GPR146: variants seen among roughly 807,000 people sequenced by gnomAD.
GPR146 encodes the protein G-protein coupled receptor 146.
For synonymous variants in GPR146, 203 were observed against 104.3 expected, an observed-to-expected ratio of 1.95 and a Z score of -5.77; for missense variants, 381 against 213.9, an observed-to-expected ratio of 1.78 and a Z score of -4.87.
At chr7:1,053,763 G>C (rs546192559) in intron 1 of GPR146, among the ~76,000 whole-genome samples, 3 of 152,272 alleles carry the variant, frequency 2.0e-5, no homozygotes, top group African/African-American at 7.2e-5. Flanking sequence ...GGAGGCGGAG[G>C]TTGCAGTGAG....
In GPR146 at chr7:1,057,620, G is replaced by A. The variant is rs751651921; in HGVS notation, c.105G>A (p.Val35=). 5.2e-6 allele frequency: 4 copies of A among 769,760 alleles called. No homozygotes were observed. Among genetic ancestry groups the A allele is most frequent in the Non-Finnish European group, 9.6e-6 (4 of 415,472 alleles). 47.7% of individuals were successfully genotyped at this position (769,760 alleles called of 1,614,324 possible). Residue 35 remains valine (V), a synonymous_variant, in exon 2 of 2, where the codon GTG becomes GTA. Transcript: ENST00000444847. ...GLSLLSLLGL[V]VGVPVGLCYN... is the part of the protein sequence containing the mutation. ...CACTGTTGTCGCTGCTGGGCCTGGTGGTGGGCGTGCCAGTGGGCCTGTGCT... is the reference window on the plus strand; with the variant it reads ...CACTGTTGTCGCTGCTGGGCCTGGTAGTGGGCGTGCCAGTGGGCCTGTGCT...
intron 1 of GPR146, among the ~76,000 whole-genome samples, chr7:1,048,702 C>G: frequency 6.6e-6 from 1 of 152,214 alleles, no homozygotes; most frequent in East Asian, 1.9e-4. Context: ...GCCAACGTCT[C>G]ACTTGAAATG....
chr7:1,047,925 C>T (rs945976282), intron 1 of GPR146, among the ~76,000 whole-genome samples: 7 of 152,202 alleles, frequency 4.6e-5, no homozygotes, highest in African/African-American at 1.4e-4. Flanking sequence ...TCCCCTTCTA[C>T]GGTTTTCATC....
chr7:1,052,347 G>A lies in GPR146; in HGVS notation c.-24-5145G>A, dbSNP rs1443465329. Reference sequence around the variant, plus strand: ...GTCCTGGGTGCCTCCCTAGGGGAGGGCCTTGGGGCTGCTTGTGCTGGCACC... The same window carrying A: ...GTCCTGGGTGCCTCCCTAGGGGAGGACCTTGGGGCTGCTTGTGCTGGCACC... On this transcript the variant is annotated intron_variant, in intron 1 of 1. Coordinates refer to ENST00000444847, the MANE Select transcript of GPR146 (RefSeq NM_001303473.2). The surrounding 1 kb of genome is among the most constrained non-coding windows in gnomAD (Gnocchi z 4.2). 1.3e-5 allele frequency among the ~76,000 whole-genome samples: 2 copies of A among 152,234 alleles called. No homozygotes were observed. The highest frequency in any genetic ancestry group is 4.8e-5 in the African/African-American group (2 of 41,468).
At chr7:1,047,410 C>T (rs1782680038) in intron 1 of GPR146, among the ~76,000 whole-genome samples, 1 of 152,262 alleles carries the variant, frequency 6.6e-6, no homozygotes, top group Non-Finnish European at 1.5e-5. Flanking sequence ...AAACCATCCA[C>T]CTATGTAATG....
At chr7:1,048,892 G>A (rs781232298) in intron 1 of GPR146, among the ~76,000 whole-genome samples, 1 of 152,230 alleles carries the variant, frequency 6.6e-6, no homozygotes, top group African/African-American at 2.4e-5. Flanking sequence ...AATGAATAGA[G>A]GCCAGGGAAG....
intron 1 of GPR146, among the ~76,000 whole-genome samples, chr7:1,053,159 GCA>G (rs934138080): frequency 1.3e-5 from 2 of 152,218 alleles, no homozygotes; most frequent in African/African-American, 2.4e-5. Context: ...AAGTCTCTGG[GCA>G]CAGAGGCAAG....
In GPR146 at chr7:1,052,373, G is replaced by A. The variant is rs990391201; in HGVS notation, c.-24-5119G>A. On this transcript the variant is annotated intron_variant, in intron 1 of 1. Transcript: ENST00000444847. The surrounding 1 kb of genome is among the most constrained non-coding windows in gnomAD (Gnocchi z 4.2). ...CCTTGGGGCTGCTTGTGCTGGCACCGACGTGGGCCTGGGGAGGGACCTGTG... is the reference window on the plus strand; with the variant it reads ...CCTTGGGGCTGCTTGTGCTGGCACCAACGTGGGCCTGGGGAGGGACCTGTG... Among the ~76,000 whole-genome samples, 2 of 152,220 alleles carry A rather than the reference G, an allele frequency of 1.3e-5. No individual in the cohort carries two copies. Among genetic ancestry groups the A allele is most frequent in the Non-Finnish European group, 2.9e-5 (2 of 68,028 alleles).
chr7:1,044,567 C>A lies in GPR146; in HGVS notation c.-116C>A, dbSNP rs1782385598. The A allele has an allele frequency of 6.6e-6, 1 of 150,824 alleles. No individual in the cohort carries two copies. The highest frequency in any genetic ancestry group is 2.4e-5 in the African/African-American group (1 of 41,276). The allele number at this position is 150,824 out of a possible 1,614,324, so 9.3% of individuals were successfully genotyped here. ...CGACGGTCACGTGTGTACACAGGGCCCGGGCGGCGTGCGCGCCGTGAGCCC... is the reference window on the plus strand; with the variant it reads ...CGACGGTCACGTGTGTACACAGGGCACGGGCGGCGTGCGCGCCGTGAGCCC... On this transcript the variant is annotated 5_prime_UTR_variant, in exon 1 of 2. Coordinates refer to ENST00000444847, the MANE Select transcript of GPR146 (RefSeq NM_001303473.2).
At chr7:1,057,032 A>C (rs904051351) in intron 1 of GPR146, among the ~76,000 whole-genome samples, 9 of 151,822 alleles carry the variant, frequency 5.9e-5, no homozygotes, top group African/African-American at 2.2e-4. Flanking sequence ...ACTCCAAGGC[A>C]CCGGGTCCTG....
At chr7:1,054,747 T>G (rs1162112850) in intron 1 of GPR146, among the ~76,000 whole-genome samples, 2 of 152,168 alleles carry the variant, frequency 1.3e-5, no homozygotes, top group African/African-American at 2.4e-5. Flanking sequence ...GGAGGCTCCG[T>G]GTGTGGGGCC....
Position 1,058,241 on chromosome 7 carries a change from G to C in GPR146, c.726G>C (p.Gln242His), listed in dbSNP as rs1397578675. The change falls in exon 2 of 2, where the codon CAG (glutamine) becomes CAC (histidine). Residue 242 changes from glutamine (Q) to histidine (H), a missense_variant. Transcript: ENST00000444847. ...HRLLVATVCTQFGLWTPHYLI... is the reference protein window; with the variant it reads ...HRLLVATVCTHFGLWTPHYLI... ...TGCTGGTGGCCACCGTGTGCACGCA[G>C]TTTGGGCTCTGGACGCCACACTATC... 1 of 767,104 alleles carries C rather than the reference G, an allele frequency of 1.3e-6. No individual in the cohort carries two copies. Among genetic ancestry groups the C allele is most frequent in the Non-Finnish European group, 2.4e-6 (1 of 416,850 alleles). 47.5% of individuals were successfully genotyped at this position (767,104 alleles called of 1,614,324 possible).
intron 1 of GPR146, among the ~76,000 whole-genome samples, chr7:1,054,995 C>G (rs1255888129): frequency 1.3e-5 from 2 of 152,204 alleles, no homozygotes; most frequent in African/African-American, 2.4e-5. Flanking sequence ...ACACTGAACA[C>G]CAGGGGCGGC....
rs1414645017 is a variant in GPR146, at chr7:1,057,574, A to G, written c.59A>G (p.Gln20Arg). The change falls in exon 2 of 2, where the codon CAG (glutamine) becomes CGG (arginine). Residue 20 changes from glutamine (Q) to arginine (R), a missense_variant. By Grantham distance (43) the Gln-to-Arg change is conservative. Coordinates refer to ENST00000444847, the MANE Select transcript of GPR146 (RefSeq NM_001303473.2). The part of the protein sequence containing the change: ...TGLVEELPAC[Q>R]DLQLGLSLLS... ...CTGGTGGAGGAGCTGCCTGCCTGCC[A>G]GGACCTGCAGCTGGGGCTGTCACTG... The G allele has an allele frequency of 3.9e-6, 3 of 772,732 alleles. No homozygotes were observed. The highest frequency in any genetic ancestry group is 1.7e-5 in the Admixed American group (1 of 58,478). 47.9% of individuals were successfully genotyped at this position (772,732 alleles called of 1,614,324 possible).
In GPR146 at chr7:1,055,078, CAG is replaced by C. The variant is rs527761048; in HGVS notation, c.-24-2413_-24-2412del. Among the ~76,000 whole-genome samples, 93 of 152,312 alleles carry C rather than the reference CAG, an allele frequency of 6.1e-4. 1 individual carries two copies. Among genetic ancestry groups the C allele is most frequent in the African/African-American group, 2.0e-3 (85 of 41,570 alleles). On this transcript the variant is annotated intron_variant, in intron 1 of 1. Transcript: ENST00000444847. The stretch of plus-strand genomic sequence containing the variant: ...GTGGGATGCCCCGCAGCGATGCAGA[CAG>C]GGGCCTGCGGGCAGAGGCCACGGCC...
At chr7:1,057,367 G>A (rs912219436) in intron 1 of GPR146, 125 bp from the exon 2 acceptor site, 3 of 594,574 alleles carry the variant, frequency 5.0e-6, no homozygotes, top group Admixed American at 3.0e-5. Context: ...TGCACCAAAG[G>A]CAGCCTCGCT....
chr7:1,054,317 T>C (rs1466371910), intron 1 of GPR146, among the ~76,000 whole-genome samples: 3 of 152,234 alleles, frequency 2.0e-5, no homozygotes, highest in African/African-American at 7.2e-5. Flanking sequence ...TCATCATTGA[T>C]ACCTGGTGAA....
Position 1,057,968 on chromosome 7 carries a change from G to A in GPR146, c.453G>A (p.Val151=), listed in dbSNP as rs200769532. ...ACACGCGGCACGTGTGCGGCTTCGTGTGGGGTGGCGCGCTGCTGACCAGCT... is the reference window on the plus strand; with the variant it reads ...ACACGCGGCACGTGTGCGGCTTCGTATGGGGTGGCGCGCTGCTGACCAGCT... ...VYNTRHVCGF[V]WGGALLTSFS... Residue 151 remains valine (V), a synonymous_variant, in exon 2 of 2, where the codon GTG becomes GTA. Transcript: ENST00000444847. 1.2e-3 allele frequency: 898 copies of A among 771,418 alleles called. 15 individuals carry two copies. Among genetic ancestry groups the A allele is most frequent in the South Asian group, 0.011 (843 of 74,614 alleles). 47.8% of individuals were successfully genotyped at this position (771,418 alleles called of 1,614,324 possible).
At chr7:1,054,460 G>A (rs554431315) in intron 1 of GPR146, among the ~76,000 whole-genome samples, 7 of 152,344 alleles carry the variant, frequency 4.6e-5, no homozygotes, top group African/African-American at 7.2e-5. Context: ...CCCAGGTCCC[G>A]GCTGGGGTGA....
Sources: gnomAD v4.1 joint callset for allele counts (sites outside exome capture counted in the v4.1 genomes callset) on GRCh38, gnomAD v4.1.1 for gene constraint, Gnocchi (gnomAD v3.1) non-coding constraint, MANE v1.5 for transcripts, NCBI Gene and HGNC (gene_info 2026-07-23, HGNC 2026-07-21) for gene names.